Variants in IL23R observed in about 807,000 individuals in gnomAD.
IL23R encodes the protein interleukin 23 receptor, also known as interleukin-23 receptor.
In IL23R, 34 loss-of-function variants were observed where a neutral mutation model predicts 56.9. That is an observed-to-expected ratio of 0.60 (90% confidence interval 0.45 to 0.80). The LOEUF is 0.80. Ranked by LOEUF, IL23R falls within the 30% of genes least tolerant of loss-of-function variation. The pLI is 0.00. For synonymous variants in IL23R, 230 were observed against 249.2 expected (o/e 0.92, Z 0.73); for missense variants, 635 against 730.0 (o/e 0.87, Z 1.50).
chr1:67,251,580 C>A (rs1440809240), intron 9 of IL23R, among the ~76,000 whole-genome samples: 1 of 152,020 alleles, frequency 6.6e-6, no homozygotes, highest in Non-Finnish European at 1.5e-5. Flanking sequence ...TCTTGTTACC[C>A]AACTTTAGCC....
chr1:67,181,709 CT>C (rs754961599), intron 3 of IL23R, among the ~76,000 whole-genome samples: 4 of 152,114 alleles, frequency 2.6e-5, no homozygotes, highest in Non-Finnish European at 5.9e-5. Context: ...GAGAGGCGCT[CT>C]GATTTTTAGA....
chr1:67,164,505 A>G (rs1340100868), upstream of IL23R, among the ~76,000 whole-genome samples: 2 of 152,040 alleles, frequency 1.3e-5, no homozygotes, highest in East Asian at 3.9e-4. Context: ...ATGGTGGCAC[A>G]TGTGTAATCC....
At chr1:67,203,815 C>A (rs946182589) in intron 5 of IL23R, among the ~76,000 whole-genome samples, 1 of 152,082 alleles carries the variant, frequency 6.6e-6, no homozygotes, top group Non-Finnish European at 1.5e-5. Context: ...TGAATGGCAG[C>A]GCAGAGTTAG....
chr1:67,143,341 G>A (rs1646654968), intron 1 of IL23R, among the ~76,000 whole-genome samples: 1 of 152,084 alleles, frequency 6.6e-6, no homozygotes, highest in South Asian at 2.1e-4. Context: ...CTTATTTTTG[G>A]CTCTCTCAAA....
In IL23R at chr1:67,258,894, A is replaced by T; in HGVS notation, c.1656A>T (p.Ile552=). Residue 552 remains isoleucine, a synonymous_variant, in exon 11 of 11, where the codon ATA becomes ATT. Coordinates refer to ENST00000347310, the MANE Select transcript of IL23R (RefSeq NM_144701.3). ...TATTTCTTGGAGAATTAAGCCTCATATTAAATCAAGGAGAATGCAGTTCTC... is the reference window on the plus strand; with the variant it reads ...TATTTCTTGGAGAATTAAGCCTCATTTTAAATCAAGGAGAATGCAGTTCTC... ...NTIFLGELSL[I]LNQGECSSPD... 1 of 1,614,120 alleles carries T rather than the reference A, an allele frequency of 6.2e-7. No individual in the cohort carries two copies. The highest frequency in any genetic ancestry group is 8.5e-7 in the Non-Finnish European group (1 of 1,179,990).
chr1:67,200,955 C>A, intron 5 of IL23R, 58 bp downstream of exon 5: 2 of 1,534,936 alleles, frequency 1.3e-6, no homozygotes, highest in South Asian at 1.1e-5. Context: ...CTGACCTTGT[C>A]AAATGAGGTC....
chr1:67,259,554 T>C lies in IL23R; in HGVS notation c.*426T>C, dbSNP rs1489955659. The C allele has an allele frequency of 4.7e-6, 1 of 212,646 alleles. No individual in the cohort carries two copies. The highest frequency in any genetic ancestry group is 9.4e-6 in the Non-Finnish European group (1 of 106,094). 13.2% of individuals were successfully genotyped at this position (212,646 alleles called of 1,614,324 possible). ...CATGTATTTTTTATAGAGTCAACTA[T>C]TTCCTCTTTATTTTCCCTCATTGAA... On this transcript the variant is annotated 3_prime_UTR_variant, in exon 11 of 11. Coordinates refer to ENST00000347310, the MANE Select transcript of IL23R (RefSeq NM_144701.3).
At chr1:67,166,882 G>C (rs900344297) in intron 1 of IL23R, among the ~76,000 whole-genome samples, 1 of 152,120 alleles carries the variant, frequency 6.6e-6, no homozygotes, top group Non-Finnish European at 1.5e-5. Flanking sequence ...TATGCGATAT[G>C]ATGAGCCATG....
chr1:67,262,144 A>G (rs989557626), downstream of IL23R, among the ~76,000 whole-genome samples: 11 of 152,230 alleles, frequency 7.2e-5, no homozygotes, highest in Non-Finnish European at 1.3e-4. Flanking sequence ...AGAAGGATTC[A>G]TTGAACTACT....
chr1:67,190,974 G>C (rs1224852228), intron 4 of IL23R, among the ~76,000 whole-genome samples: 1 of 152,146 alleles, frequency 6.6e-6, no homozygotes, highest in African/African-American at 2.4e-5. Context: ...TTAGGTTTCA[G>C]TAATTCCTTT....
chr1:67,221,671 T>C (rs183411068), intron 7 of IL23R, among the ~76,000 whole-genome samples: 139 of 152,334 alleles, frequency 9.1e-4, no homozygotes, highest in Non-Finnish European at 1.7e-3. Context: ...ATACACTAGA[T>C]TTAACATTTT....
rs1170060365 is a variant in IL23R, at chr1:67,169,655, A to G, written c.367+17A>G. 1 of 1,610,430 alleles carries G rather than the reference A, an allele frequency of 6.2e-7. No individual in the cohort carries two copies. The highest frequency in any genetic ancestry group is 8.5e-7 in the Non-Finnish European group (1 of 1,176,748). ...CTTCTGGATGTAAGTGTTGGGGCAC[A>G]TTTGAAATGCAAACAAAAGCTAGTT... On this transcript the variant is annotated intron_variant, in intron 3 of 10. Transcript: ENST00000347310.
intron 5 of IL23R, among the ~76,000 whole-genome samples, chr1:67,206,218 C>T (rs1032287081): frequency 8.6e-5 from 13 of 151,976 alleles, no homozygotes; most frequent in Middle Eastern, 3.4e-3. Flanking sequence ...TTTGCCACGA[C>T]GACCAGGCTG....
the IL23R span, among the ~76,000 whole-genome samples, chr1:67,265,540 A>G: frequency 6.6e-6 from 1 of 152,344 alleles, no homozygotes; most frequent in East Asian, 1.9e-4. Context: ...CTAATAATCT[A>G]TAGAATAAAT....
chr1:67,219,883 T>C (rs1650128801), intron 7 of IL23R, among the ~76,000 whole-genome samples, 153 bp downstream of exon 7: 1 of 151,998 alleles, frequency 6.6e-6, no homozygotes, highest in South Asian at 2.1e-4. Context: ...CTGGGCAACA[T>C]AGTGAGACCC....
At chr1:67,160,556 A>G (rs985560324) in intron 1 of IL23R, among the ~76,000 whole-genome samples, 1 of 152,188 alleles carries the variant, frequency 6.6e-6, no homozygotes, top group Non-Finnish European at 1.5e-5. Flanking sequence ...ATCTTTGTTA[A>G]TTTGGACAAC....
At position 67,159,894 on chromosome 1, in the gene IL23R, C is replaced by T. The variant is rs561087979; in HGVS notation, c.-633-8198C>T. The stretch of plus-strand genomic sequence containing the variant: ...ACGACGCATTAATTACAGAAGAAGA[C>T]TCAGACCTGCCCATGATTGTTATAC... On this transcript the variant is annotated intron_variant, in intron 1 of 10. Coordinates refer to the IL23R transcript ENST00000637002. Among the ~76,000 whole-genome samples, 3 of 152,326 alleles carry T rather than the reference C, an allele frequency of 2.0e-5. No homozygotes were observed. The East Asian group carries it at 5.8e-4, about 29-fold the overall frequency.
chr1:67,182,289 T>A (rs189787369), intron 3 of IL23R, among the ~76,000 whole-genome samples: 2 of 152,296 alleles, frequency 1.3e-5, no homozygotes, highest in East Asian at 1.9e-4. Flanking sequence ...TCCACCCAGT[T>A]CGAGCTTCCC....
rs1648567458 is a variant in IL23R, at chr1:67,200,722, T to C, written c.492-15T>C. ...CTAAATACAATTTATGATCATCTTT[T>C]TTTTTTGTTTTAAGTTTAGAGACAG... On this transcript the variant is annotated splice_polypyrimidine_tract_variant and intron_variant, in intron 4 of 10. Coordinates refer to ENST00000347310, the MANE Select transcript of IL23R (RefSeq NM_144701.3). The C allele has an allele frequency of 1.2e-5, 19 of 1,611,198 alleles. No individual in the cohort carries two copies. The highest frequency in any genetic ancestry group is 1.5e-5 in the Non-Finnish European group (18 of 1,177,502).
Sources: gnomAD v4.1 joint callset for allele counts (sites outside exome capture counted in the v4.1 genomes callset) on GRCh38, gnomAD v4.1.1 for gene constraint, MANE v1.5 for transcripts, NCBI Gene and HGNC (gene_info 2026-07-23, HGNC 2026-07-21) for gene names.